HAVCR2: variants seen among roughly 807,000 people sequenced by gnomAD.
The protein encoded by HAVCR2 is hepatitis A virus cellular receptor 2.
In HAVCR2, 13 loss-of-function variants were observed where a neutral mutation model predicts 24.7. The ratio of observed to expected loss-of-function variants is 0.53; its 90% confidence interval spans 0.34 to 0.84. The LOEUF (loss-of-function observed/expected upper bound fraction) is 0.84, where lower values mean the gene tolerates loss of function less well. Ranked by LOEUF, HAVCR2 falls within the 40% of genes least tolerant of loss-of-function variation. HAVCR2 has a pLI of 0.01. For synonymous variants in HAVCR2, 154 were observed against 143.4 expected, an observed-to-expected ratio of 1.07 and a Z score of -0.53; for missense variants, 343 against 371.2, an observed-to-expected ratio of 0.92 and a Z score of 0.62.
At chr5:157,096,519 C>T (rs1757095736) in intron 4 of HAVCR2, among the ~76,000 whole-genome samples, 1 of 152,166 alleles carries the variant, frequency 6.6e-6, no homozygotes, top group African/African-American at 2.4e-5. Context: ...TGGCTCACGC[C>T]TGTAGTCCCA....
chr5:157,105,192 G>A (rs1757229054), intron 2 of HAVCR2, among the ~76,000 whole-genome samples: 1 of 151,956 alleles, frequency 6.6e-6, no homozygotes, highest in African/African-American at 2.4e-5. Flanking sequence ...AGACTCCTGA[G>A]TAGCTGGGAC....
At chr5:157,096,533 C>G (rs1757095874) in intron 4 of HAVCR2, among the ~76,000 whole-genome samples, 1 of 152,054 alleles carries the variant, frequency 6.6e-6, no homozygotes. Context: ...AGTCCCAGCA[C>G]TTTGGGAGGC....
intron 5 of HAVCR2, 55 bp downstream of exon 5, chr5:157,095,251 C>G: frequency 4.4e-6 from 7 of 1,584,534 alleles, no homozygotes; most frequent in Non-Finnish European, 6.0e-6. Context: ...TAGGTTTTTA[C>G]TGGTTCTCAC....
chr5:157,104,797 G>A lies in HAVCR2; in HGVS notation c.395-48C>T, dbSNP rs780809521. ...GATGAAAATTATCTGAGAGCAGAAA[G>A]CTTATTTCAGGGAATCAAAGGGGCA... On this transcript the variant is annotated intron_variant, in intron 2 of 6. Transcript: ENST00000307851. The A allele has an allele frequency of 4.5e-6, 6 of 1,345,956 alleles. No homozygotes were observed. The South Asian group carries it at 5.2e-5, about 12-fold the overall frequency. 83.4% of individuals were successfully genotyped at this position (1,345,956 alleles called of 1,614,324 possible).
intron 3 of HAVCR2, among the ~76,000 whole-genome samples, chr5:157,104,364 A>G (rs1757216422): frequency 6.6e-6 from 1 of 152,258 alleles, no homozygotes; most frequent in Non-Finnish European, 1.5e-5. Flanking sequence ...TCAGTCAGAA[A>G]ATGTGGACAA....
At chr5:157,094,253 G>A (rs1056363435) in intron 5 of HAVCR2, among the ~76,000 whole-genome samples, 1 of 151,792 alleles carries the variant, frequency 6.6e-6, no homozygotes, top group African/African-American at 2.4e-5. Context: ...TGCCCAGGCT[G>A]ATCTTGGTCT....
At chr5:157,092,907 A>AT in intron 5 of HAVCR2, among the ~76,000 whole-genome samples, 1 of 121,362 alleles carries the variant, frequency 8.2e-6, no homozygotes, top group African/African-American at 3.0e-5. Flanking sequence ...AAAAAAAAAA[A>AT]AAAAAAAAAA....
intron 3 of HAVCR2, among the ~76,000 whole-genome samples, chr5:157,101,771 ATTTTTT>A (rs397797524): frequency 1.6e-5 from 2 of 125,130 alleles, no homozygotes; most frequent in Non-Finnish European, 3.5e-5. Context: ...GCTCTACTCC[ATTTTTT>A]TTTTTTTTTT....
intron 2 of HAVCR2, among the ~76,000 whole-genome samples, chr5:157,105,581 C>T (rs1281269147): frequency 6.6e-6 from 1 of 152,004 alleles, no homozygotes; most frequent in Non-Finnish European, 1.5e-5. Flanking sequence ...CCCACATGAT[C>T]GGTATTATTG....
chr5:157,106,552 G>A (rs765940362), intron 2 of HAVCR2, 75 bp downstream of exon 2: 69 of 1,294,682 alleles, frequency 5.3e-5, no homozygotes, highest in Non-Finnish European at 7.3e-5. Flanking sequence ...AGTCAGAGAT[G>A]AGAACAATCA....
At chr5:157,105,620 C>T (rs550836008) in intron 2 of HAVCR2, among the ~76,000 whole-genome samples, 5 of 152,228 alleles carry the variant, frequency 3.3e-5, no homozygotes, top group South Asian at 2.1e-4. Context: ...GAGCTCACAG[C>T]GTTTCAATAA....
At chr5:157,090,359 G>A (rs1011617809) in intron 5 of HAVCR2, among the ~76,000 whole-genome samples, 2 of 151,818 alleles carry the variant, frequency 1.3e-5, no homozygotes, top group African/African-American at 4.8e-5. Flanking sequence ...ACTTTGGGAG[G>A]CAAGGCAGGT....
chr5:157,096,119 G>A (rs1344421275), intron 4 of HAVCR2, among the ~76,000 whole-genome samples: 3 of 151,686 alleles, frequency 2.0e-5, no homozygotes, highest in African/African-American at 7.3e-5. Context: ...CTAGCTAGTG[G>A]GGAGGCTGAG....
chr5:157,094,092 T>C (rs1386698830), intron 5 of HAVCR2, among the ~76,000 whole-genome samples: 1 of 148,002 alleles, frequency 6.8e-6, no homozygotes, highest in Non-Finnish European at 1.5e-5. Context: ...CAGGGTGGAG[T>C]GCAATGATGC....
intron 3 of HAVCR2, among the ~76,000 whole-genome samples, chr5:157,101,833 G>A (rs1757171714): frequency 6.7e-6 from 1 of 149,816 alleles, no homozygotes; most frequent in South Asian, 2.1e-4. Flanking sequence ...GGAGTACAGT[G>A]GCACCAACTC....
intron 2 of HAVCR2, 73 bp downstream of exon 2, chr5:157,106,554 G>T: frequency 7.6e-7 from 1 of 1,322,000 alleles, no homozygotes. Context: ...TCAGAGATGA[G>T]AACAATCAGT....
At chr5:157,098,338 C>G (rs1282628384) in intron 4 of HAVCR2, among the ~76,000 whole-genome samples, 1 of 150,318 alleles carries the variant, frequency 6.7e-6, no homozygotes, top group Non-Finnish European at 1.5e-5. Context: ...ACCCGGGAGG[C>G]GGAGGTTGAG....
At chr5:157,104,553 A>T in intron 3 of HAVCR2, 113 bp downstream of exon 3, 1 of 674,206 alleles carries the variant, frequency 1.5e-6, no homozygotes, top group African/African-American at 1.8e-5. Context: ...AGGTGCACGG[A>T]GATATCCATG....
At chr5:157,094,473 T>A (rs1251727250) in intron 5 of HAVCR2, among the ~76,000 whole-genome samples, 1 of 151,992 alleles carries the variant, frequency 6.6e-6, no homozygotes, top group Non-Finnish European at 1.5e-5. Flanking sequence ...AACCTCCACC[T>A]ACCAGGTTTG....
Sources: gnomAD v4.1 joint callset for allele counts (sites outside exome capture counted in the v4.1 genomes callset) on GRCh38, gnomAD v4.1.1 for gene constraint, MANE v1.5 for transcripts, NCBI Gene and HGNC (gene_info 2026-07-23, HGNC 2026-07-21) for gene names.